Variants in KATNBL1 observed in about 807,000 individuals in gnomAD.
KATNBL1 encodes the protein KATNB1-like protein 1.
Under a neutral mutation model 44.7 loss-of-function variants are expected in KATNBL1, and 28 were observed. That is an observed-to-expected ratio of 0.63 (90% CI 0.46 to 0.86). The LOEUF is 0.86. KATNBL1 is among the 40% of genes least tolerant of loss of function. The pLI is 0.00. For synonymous variants in KATNBL1, 78 were observed against 114.9 expected, an observed-to-expected ratio of 0.68 and a Z score of 2.06; for missense variants, 272 against 350.7, an observed-to-expected ratio of 0.78 and a Z score of 1.79.
intron 1 of KATNBL1, among the ~76,000 whole-genome samples, chr15:34,179,731 G>A (rs777429688): frequency 1.3e-5 from 2 of 152,138 alleles, no homozygotes; most frequent in Non-Finnish European, 2.9e-5. Context: ...AATCAAAAAA[G>A]GTCTATCAAA....
At chr15:34,167,633 A>T (rs1889021316) in intron 1 of KATNBL1, among the ~76,000 whole-genome samples, 1 of 152,128 alleles carries the variant, frequency 6.6e-6, no homozygotes, top group South Asian at 2.1e-4. Flanking sequence ...CAACCCCAAG[A>T]CACTTAATTG....
Position 34,204,346 on chromosome 15 carries a change from A to G in KATNBL1, c.-15+5605T>C, listed in dbSNP as rs550444596. Among the ~76,000 whole-genome samples the G allele has an allele frequency of 2.6e-5, 4 of 152,364 alleles. No homozygotes were observed. In the South Asian group the frequency reaches 8.3e-4, roughly 32 times the overall value. ...CCCACTAAGTGGTTACTTGCAATGT[A>G]AACTGATGTCACTAGATATACATAT... On this transcript the variant is annotated intron_variant, in intron 1 of 9. Coordinates refer to ENST00000256544, the MANE Select transcript of KATNBL1 (RefSeq NM_024713.3).
At chr15:34,203,878 T>TG (rs528872865) in intron 1 of KATNBL1, among the ~76,000 whole-genome samples, 1 of 115,052 alleles carries the variant, frequency 8.7e-6, no homozygotes, top group Admixed American at 8.9e-5. Flanking sequence ...CGGGCCCTGT[T>TG]GGGGGGTGGG....
At chr15:34,161,211 T>C (rs1888793356) in intron 2 of KATNBL1, among the ~76,000 whole-genome samples, 1 of 152,244 alleles carries the variant, frequency 6.6e-6, no homozygotes, top group East Asian at 1.9e-4. Flanking sequence ...GTGACGTTTC[T>C]TACCTTGGTC....
intron 1 of KATNBL1, among the ~76,000 whole-genome samples, chr15:34,180,657 C>A (rs1177158206): frequency 6.6e-6 from 1 of 152,228 alleles, no homozygotes; most frequent in South Asian, 2.1e-4. Context: ...CAACTTGCTG[C>A]CCTTCCTAGC....
At chr15:34,157,486 G>A (rs1055312015) in intron 2 of KATNBL1, among the ~76,000 whole-genome samples, 1 of 152,192 alleles carries the variant, frequency 6.6e-6, no homozygotes, top group Non-Finnish European at 1.5e-5. Context: ...TAGGGGTGGT[G>A]CCTGTGCTAA....
At chr15:34,153,506 A>G (rs1382897239) in intron 3 of KATNBL1, among the ~76,000 whole-genome samples, 1 of 152,222 alleles carries the variant, frequency 6.6e-6, no homozygotes, top group Admixed American at 6.5e-5. Context: ...TCATCGTTTA[A>G]TACAGTGGTT....
intron 7 of KATNBL1, 133 bp from the exon 8 acceptor site, chr15:34,146,983 G>C: frequency 1.5e-6 from 1 of 660,956 alleles, no homozygotes; most frequent in South Asian, 1.9e-5. Flanking sequence ...TTACCTTCAT[G>C]ATCTATTACA....
chr15:34,165,771 G>A (rs1425691195), intron 1 of KATNBL1, among the ~76,000 whole-genome samples: 1 of 152,120 alleles, frequency 6.6e-6, no homozygotes, highest in Non-Finnish European at 1.5e-5. Flanking sequence ...TCCAGCCTGG[G>A]TGACAGAGCA....
At chr15:34,159,627 C>G (rs987664550) in intron 2 of KATNBL1, among the ~76,000 whole-genome samples, 3 of 152,166 alleles carry the variant, frequency 2.0e-5, no homozygotes, top group Admixed American at 6.5e-5. Flanking sequence ...TTGGAGGAAT[C>G]TGTAACCTTC....
intron 1 of KATNBL1, among the ~76,000 whole-genome samples, chr15:34,184,850 G>T (rs1415087735): frequency 6.6e-6 from 1 of 151,974 alleles, no homozygotes; most frequent in Non-Finnish European, 1.5e-5. Context: ...TGGGATTACA[G>T]GCATGAGCCA....
intron 1 of KATNBL1, among the ~76,000 whole-genome samples, chr15:34,183,897 C>G (rs1407897295): frequency 6.6e-6 from 1 of 152,222 alleles, no homozygotes; most frequent in South Asian, 2.1e-4. Context: ...CGGCTGGGTG[C>G]GGTGGCTCAT....
At chr15:34,151,848 A>G (rs1366335665) in intron 4 of KATNBL1, among the ~76,000 whole-genome samples, 1 of 152,106 alleles carries the variant, frequency 6.6e-6, no homozygotes, top group Non-Finnish European at 1.5e-5. Flanking sequence ...CCAGAAGAGC[A>G]GCAAACCACA....
rs939947888 is a variant in KATNBL1, at chr15:34,148,532, G to C, written c.557+100C>G. 1.6e-5 allele frequency: 11 copies of C among 675,708 alleles called. No individual in the cohort carries two copies. In the African/African-American group the frequency reaches 2.0e-4, roughly 12 times the overall value. The allele number at this position is 675,708 out of a possible 1,614,324, so 41.9% of individuals were successfully genotyped here. On this transcript the variant is annotated intron_variant, in intron 5 of 9. Coordinates refer to ENST00000256544, the MANE Select transcript of KATNBL1 (RefSeq NM_024713.3). ...GAACTCAGCAGGTTGAGGCTGCAGT[G>C]AGCCATGATTGTGCCACTGTACTCC...
intron 1 of KATNBL1, among the ~76,000 whole-genome samples, chr15:34,181,602 ATG>A (rs755770294): frequency 5.8e-5 from 2 of 34,662 alleles, no homozygotes; most frequent in Admixed American, 7.8e-4. Flanking sequence ...ACACATATAT[ATG>A]TCCATATATA....
chr15:34,179,675 T>C (rs539568269), intron 1 of KATNBL1, among the ~76,000 whole-genome samples: 10 of 152,230 alleles, frequency 6.6e-5, no homozygotes, highest in African/African-American at 2.4e-4. Context: ...ACTAAATGCA[T>C]AGTAAGATCC....
At chr15:34,167,060 T>G (rs931364159) in intron 1 of KATNBL1, among the ~76,000 whole-genome samples, 8 of 152,060 alleles carry the variant, frequency 5.3e-5, no homozygotes, top group African/African-American at 1.9e-4. Context: ...ACACAACTCC[T>G]CACCAGCAAG....
intron 9 of KATNBL1, among the ~76,000 whole-genome samples, chr15:34,144,037 A>C (rs898018975): frequency 6.7e-6 from 1 of 148,358 alleles, no homozygotes. Flanking sequence ...CTTGGTTGAT[A>C]TATCATTTTG....
intron 5 of KATNBL1, among the ~76,000 whole-genome samples, chr15:34,147,915 G>A (rs991273890): frequency 6.6e-6 from 1 of 152,118 alleles, no homozygotes; most frequent in East Asian, 1.9e-4. Context: ...TGCCCAGGCT[G>A]GAATGTAGTT....
Sources: gnomAD v4.1 joint callset for allele counts (sites outside exome capture counted in the v4.1 genomes callset) on GRCh38, gnomAD v4.1.1 for gene constraint, MANE v1.5 for transcripts, NCBI Gene and HGNC (gene_info 2026-07-23, HGNC 2026-07-21) for gene names.